The following SCP2 variants were observed in gnomAD, a reference collection of about 807,000 sequenced individuals.
SCP2 encodes SCP-2/3-oxoacyl-CoA thiolase.
SCP2 carries 48 observed loss-of-function variants against 71.4 expected under a neutral mutation model. The observed-to-expected ratio is 0.67, with a 90% CI of 0.53 to 0.86. The LOEUF is 0.86. Among genes scored for constraint, SCP2 ranks in the 40% least tolerant of loss-of-function variants. SCP2 has a pLI of 0.00. For missense variants in SCP2, 560 were observed against 655.6 expected (o/e 0.85, Z 1.59); for synonymous variants, 220 against 218.1 (o/e 1.01, Z -0.08).
chr1:52,935,191 G>T (rs1461705575), intron 1 of SCP2, among the ~76,000 whole-genome samples: 1 of 149,580 alleles, frequency 6.7e-6, no homozygotes. Context: ...GCATGAACCC[G>T]GGAGGCGGAG....
intron 11 of SCP2, among the ~76,000 whole-genome samples, chr1:53,012,649 C>T (rs1661057684): frequency 6.6e-6 from 1 of 152,150 alleles, no homozygotes; most frequent in Non-Finnish European, 1.5e-5. Context: ...TGATTATTTC[C>T]ATGGAATGGT....
chr1:53,017,098 G>A (rs1213930618), intron 12 of SCP2, among the ~76,000 whole-genome samples: 4 of 152,098 alleles, frequency 2.6e-5, no homozygotes, highest in Non-Finnish European at 5.9e-5. Flanking sequence ...TTCATTTTAC[G>A]TAAGAGAGGA....
At chr1:52,927,848 C>T (rs1457213213) in intron 1 of SCP2, among the ~76,000 whole-genome samples, 1 of 152,180 alleles carries the variant, frequency 6.6e-6, no homozygotes, top group Non-Finnish European at 1.5e-5. Flanking sequence ...AGAGACAGCT[C>T]CAGATGTGGA....
At chr1:53,023,194 T>A (rs1661873671) in intron 12 of SCP2, among the ~76,000 whole-genome samples, 1 of 152,218 alleles carries the variant, frequency 6.6e-6, no homozygotes, top group Non-Finnish European at 1.5e-5. Flanking sequence ...GATGAAAAGT[T>A]GGTTCATCAC....
In SCP2 at chr1:52,970,823, T is replaced by C. The variant is rs114492469; in HGVS notation, c.524-3946T>C. On this transcript the variant is annotated intron_variant, in intron 6 of 15. Coordinates refer to ENST00000371514, the MANE Select transcript of SCP2 (RefSeq NM_002979.5). ...CTGGGATTTGGTCTTATATATTTTT[T>C]CTTTTCTTTTTCTTTTTTTTTTAAC... is the stretch of plus-strand genomic sequence containing the variant. Among the ~76,000 whole-genome samples the C allele has an allele frequency of 4.8e-3, 725 of 151,954 alleles. 6 individuals are homozygous for C. The highest frequency in any genetic ancestry group is 0.017 in the African/African-American group (706 of 41,502).
At chr1:53,043,002 T>C (rs577368670) in intron 14 of SCP2, among the ~76,000 whole-genome samples, 1 of 152,188 alleles carries the variant, frequency 6.6e-6, no homozygotes, top group Non-Finnish European at 1.5e-5. Context: ...ACATAACATA[T>C]TATTCCTTCA....
intron 8 of SCP2, 80 bp from the exon 9 acceptor site, chr1:52,978,137 T>C: frequency 7.1e-7 from 1 of 1,408,758 alleles, no homozygotes; most frequent in Non-Finnish European, 1.0e-6. Context: ...GCCTTTCCTT[T>C]CACATAGAAG....
chr1:52,996,143 C>T (rs368310168), intron 11 of SCP2: 3 of 436,420 alleles, frequency 6.9e-6, no homozygotes, highest in Non-Finnish European at 1.2e-5. Context: ...AGATCTAGAA[C>T]AGTGCTTAGC....
chr1:52,952,894 T>G (rs886542229), intron 4 of SCP2, among the ~76,000 whole-genome samples: 3 of 152,226 alleles, frequency 2.0e-5, no homozygotes, highest in Admixed American at 1.3e-4. Context: ...TTTCCATATA[T>G]TCTAGGGTTT....
At chr1:52,953,925 T>A (rs1251029000) in intron 4 of SCP2, among the ~76,000 whole-genome samples, 4 of 150,170 alleles carry the variant, frequency 2.7e-5, no homozygotes, top group African/African-American at 9.8e-5. Context: ...TAGGCTTCAG[T>A]GAGCCATGAT....
At chr1:52,985,519 G>A (rs1658908372) in intron 10 of SCP2, among the ~76,000 whole-genome samples, 1 of 152,112 alleles carries the variant, frequency 6.6e-6, no homozygotes, top group Admixed American at 6.5e-5. Flanking sequence ...TATTATTGTT[G>A]GAGTCTTATG....
chr1:52,927,503 C>T, intron 1 of SCP2, 38 bp downstream of exon 1: 2 of 1,487,412 alleles, frequency 1.3e-6, no homozygotes, highest in South Asian at 2.4e-5. Context: ...CTCTGAGGCT[C>T]GGGGGCGGTC....
At position 52,951,027 on chromosome 1, in the gene SCP2, C is replaced by T. The variant is rs1050177199; in HGVS notation, c.331+141C>T. The stretch of plus-strand genomic sequence containing the variant: ...CGGGTGTGGTGGCTTATGCTTGTAA[C>T]CCTAGCACTTTGGGAGGCCGAGGGG... On this transcript the variant is annotated intron_variant, in intron 4 of 15. Transcript: ENST00000371514. 59 of 948,944 alleles carry T rather than the reference C, an allele frequency of 6.2e-5. 1 individual carries two copies. The highest frequency in any genetic ancestry group is 8.6e-5 in the Non-Finnish European group (52 of 601,416). 58.8% of individuals were successfully genotyped at this position (948,944 alleles called of 1,614,324 possible). A position where few individuals can be genotyped will look rare whatever the true frequency, so the allele number is the denominator to read the frequency against.
chr1:52,966,317 G>A (rs1656950629), intron 6 of SCP2, among the ~76,000 whole-genome samples: 1 of 151,782 alleles, frequency 6.6e-6, no homozygotes, highest in South Asian at 2.1e-4. Context: ...CCAGGAATGG[G>A]TATTGAATTT....
At chr1:52,960,603 T>C (rs1052075292) in intron 5 of SCP2, among the ~76,000 whole-genome samples, 2 of 143,280 alleles carry the variant, frequency 1.4e-5, no homozygotes, top group Non-Finnish European at 3.0e-5. Context: ...TGTATATATG[T>C]ATGTATATAT....
chr1:52,958,201 G>C (rs1334676922), intron 5 of SCP2, among the ~76,000 whole-genome samples: 1 of 150,392 alleles, frequency 6.6e-6, no homozygotes, highest in Non-Finnish European at 1.5e-5. Context: ...AAATTGAGTA[G>C]TGTCAGTCCT....
In SCP2 at chr1:52,998,601, C is replaced by T. The variant is rs531577013; in HGVS notation, c.1081+10465C>T. 2.0e-5 allele frequency among the ~76,000 whole-genome samples: 3 copies of T among 147,380 alleles called. No homozygotes were observed. The South Asian group carries it at 6.4e-4, about 31-fold the overall frequency. On this transcript the variant is annotated intron_variant, in intron 11 of 15. Transcript: ENST00000371514. Reference sequence around the variant, plus strand: ...CAAAAATTAGTCAGGCGTGGTGGCGCACGTCTGTGGTCCCAGCTACCTGTG... The same window carrying T: ...CAAAAATTAGTCAGGCGTGGTGGCGTACGTCTGTGGTCCCAGCTACCTGTG...
intron 5 of SCP2, among the ~76,000 whole-genome samples, chr1:52,956,534 T>C (rs1655807623): frequency 6.6e-6 from 1 of 152,006 alleles, no homozygotes; most frequent in Non-Finnish European, 1.5e-5. Flanking sequence ...CTTTAAAAAG[T>C]GGTAGAAGTT....
intron 12 of SCP2, among the ~76,000 whole-genome samples, chr1:53,022,168 C>T (rs1259699977): frequency 6.6e-6 from 1 of 152,180 alleles, no homozygotes; most frequent in Non-Finnish European, 1.5e-5. Flanking sequence ...CACTAACCTA[C>T]TTTCTGTCTC....
Sources: gnomAD v4.1 joint callset for allele counts (sites outside exome capture counted in the v4.1 genomes callset) on GRCh38, gnomAD v4.1.1 for gene constraint, MANE v1.5 for transcripts, NCBI Gene and HGNC (gene_info 2026-07-23, HGNC 2026-07-21) for gene names.